Variants in LIPG observed in about 807,000 individuals in gnomAD.
LIPG encodes lipase G, endothelial type, also known as endothelial lipase.
Under a neutral mutation model 51.8 loss-of-function variants are expected in LIPG, and 34 were observed. That is an observed-to-expected ratio of 0.66 (90% CI 0.50 to 0.87). The LOEUF (loss-of-function observed/expected upper bound fraction) is 0.87, where lower values mean the gene tolerates loss of function less well. Among genes scored for constraint, LIPG ranks in the 40% least tolerant of loss-of-function variants. The pLI, the probability that LIPG is intolerant of heterozygous loss-of-function variation, is 0.00. For missense variants in LIPG, 580 were observed against 652.7 expected, an observed-to-expected ratio of 0.89 and a Z score of 1.21; for synonymous variants, 246 against 246.1, an observed-to-expected ratio of 1.00 and a Z score of 0.00.
At chr18:49,590,080 C>T in intron 9 of LIPG, 2 of 319,888 alleles carry the variant, frequency 6.3e-6, no homozygotes, top group South Asian at 5.9e-5. Context: ...CTCAGTCTTG[C>T]CCCCTTTCTG....
At chr18:49,570,651 A>G (rs2084652255) in intron 4 of LIPG, among the ~76,000 whole-genome samples, 1 of 152,190 alleles carries the variant, frequency 6.6e-6, no homozygotes, top group Non-Finnish European at 1.5e-5. Flanking sequence ...CAACATGATG[A>G]AACACTGTCT....
At position 49,562,063 on chromosome 18, in the gene LIPG, G is replaced by C; in HGVS notation, c.-246G>C. 1 of 1,439,658 alleles carries C rather than the reference G, an allele frequency of 6.9e-7. No individual in the cohort carries two copies. The highest frequency in any genetic ancestry group is 9.1e-7 in the Non-Finnish European group (1 of 1,104,660). 89.2% of individuals were successfully genotyped at this position (1,439,658 alleles called of 1,614,324 possible). A position where few individuals can be genotyped will look rare whatever the true frequency, so the allele number is the denominator to read the frequency against. On this transcript the variant is annotated 5_prime_UTR_variant, in exon 1 of 10. Coordinates refer to ENST00000261292, the MANE Select transcript of LIPG (RefSeq NM_006033.4). ...ACCTCTATAGGAGCGTGACAGCAGC[G>C]AGTCCTTGCCTCCCGGCGGCTCAGG...
chr18:49,568,828 GCAGAATT>G (rs2084633906), intron 3 of LIPG, among the ~76,000 whole-genome samples: 2 of 152,072 alleles, frequency 1.3e-5, no homozygotes, highest in South Asian at 4.1e-4. Flanking sequence ...ATGAATTCTG[GCAGAATT>G]CTGGTCAGGA....
At position 49,598,925 on chromosome 18, in the gene LIPG, T is replaced by G. The variant is rs1187447510; in HGVS notation, c.*8403T>G. 1.3e-5 allele frequency: 2 copies of G among 152,256 alleles called. No homozygotes were observed. The highest frequency in any genetic ancestry group is 2.9e-5 in the Non-Finnish European group (2 of 68,052). The allele number at this position is 152,256 out of a possible 1,614,324, so 9.4% of individuals were successfully genotyped here. A position where few individuals can be genotyped will look rare whatever the true frequency, so the allele number is the denominator to read the frequency against. ...TTATTTTGAGATTCATCCACGTCTTTGCATGGATCAGTCATCTGTTCCATT... is the reference window on the plus strand; with the variant it reads ...TTATTTTGAGATTCATCCACGTCTTGGCATGGATCAGTCATCTGTTCCATT... On this transcript the variant is annotated 3_prime_UTR_variant, in exon 10 of 10. Coordinates refer to ENST00000261292, the MANE Select transcript of LIPG (RefSeq NM_006033.4).
chr18:49,579,430 C>T (rs2084790633), intron 5 of LIPG, among the ~76,000 whole-genome samples: 1 of 151,840 alleles, frequency 6.6e-6, no homozygotes, highest in Non-Finnish European at 1.5e-5. Context: ...ATACCTGGCT[C>T]CAAAATTTAT....
Position 49,593,164 on chromosome 18 carries a change from T to C in LIPG, c.*2642T>C, listed in dbSNP as rs2084962103. On this transcript the variant is annotated 3_prime_UTR_variant, in exon 10 of 10. Coordinates refer to ENST00000261292, the MANE Select transcript of LIPG (RefSeq NM_006033.4). ...CAGGCTGGTCAGGCTGGGTTCGAACTCCTGGCCTCAAGTGATCCGCCTGCC... is the reference window on the plus strand; with the variant it reads ...CAGGCTGGTCAGGCTGGGTTCGAACCCCTGGCCTCAAGTGATCCGCCTGCC... 1 of 152,122 alleles carries C rather than the reference T, an allele frequency of 6.6e-6. No individual in the cohort carries two copies. The highest frequency in any genetic ancestry group is 1.5e-5 in the Non-Finnish European group (1 of 68,042). 9.4% of individuals were successfully genotyped at this position (152,122 alleles called of 1,614,324 possible).
At chr18:49,572,714 G>C (rs12326944) in intron 4 of LIPG, among the ~76,000 whole-genome samples, 32,332 of 139,224 alleles carry the variant, frequency 0.23, 4,041 homozygotes, top group Middle Eastern at 0.33. Context: ...CTGGGCAACA[G>C]AGTGAGACCC....
intron 3 of LIPG, 72 bp from the exon 4 acceptor site, chr18:49,569,365 G>T: frequency 7.8e-7 from 1 of 1,278,178 alleles, no homozygotes; most frequent in Non-Finnish European, 1.1e-6. Context: ...TGACTGAGTT[G>T]TTGAACTGCT....
At chr18:49,586,892 A>T (rs1262300640) in intron 9 of LIPG, 42 bp downstream of exon 9, 1 of 1,395,140 alleles carries the variant, frequency 7.2e-7, no homozygotes, top group South Asian at 1.2e-5. Flanking sequence ...GGACACGTTG[A>T]CATGATGATC....
intron 2 of LIPG, among the ~76,000 whole-genome samples, chr18:49,566,709 T>C (rs2084609885): frequency 6.6e-6 from 1 of 152,164 alleles, no homozygotes; most frequent in African/African-American, 2.4e-5. Context: ...TGCATTCACC[T>C]AGGAGACAGC....
At chr18:49,587,493 T>C (rs1008368727) in intron 9 of LIPG, among the ~76,000 whole-genome samples, 5 of 128,528 alleles carry the variant, frequency 3.9e-5, no homozygotes, top group Non-Finnish European at 7.8e-5. Flanking sequence ...GGTATGAACC[T>C]GGGAGGAAGA....
At chr18:49,572,362 C>T (rs2084673117) in intron 4 of LIPG, among the ~76,000 whole-genome samples, 1 of 151,574 alleles carries the variant, frequency 6.6e-6, no homozygotes, top group Admixed American at 6.6e-5. Context: ...AAACAAAAAA[C>T]ACCTCATATA....
chr18:49,588,973 C>A (rs181810224), intron 9 of LIPG, among the ~76,000 whole-genome samples: 187 of 152,250 alleles, frequency 1.2e-3, no homozygotes, highest in African/African-American at 4.0e-3. Context: ...GGGTTGTTAG[C>A]CCTGTGTACA....
At chr18:49,574,744 C>T (rs190300404) in intron 4 of LIPG, among the ~76,000 whole-genome samples, 21 of 152,272 alleles carry the variant, frequency 1.4e-4, no homozygotes, top group Non-Finnish European at 2.1e-4. Flanking sequence ...GGTTTTCTCA[C>T]GGTGGCTGCA....
chr18:49,579,041 A>T (rs1262286703), intron 5 of LIPG, among the ~76,000 whole-genome samples: 5 of 22 alleles, frequency 0.23, no homozygotes, highest in African/African-American at 0.25. Flanking sequence ...AGGGAGAGGG[A>T]GAGGGAGAGG....
Position 49,587,568 on chromosome 18 carries a change from C to CAAAAAAAAAAAA in LIPG, c.1481+733_1481+744dup, listed in dbSNP as rs34734805. Among the ~76,000 whole-genome samples, 19 of 42,312 alleles carry CAAAAAAAAAAAA rather than the reference C, an allele frequency of 4.5e-4. 1 individual carries two copies. Among genetic ancestry groups the CAAAAAAAAAAAA allele is most frequent in the African/African-American group, 1.5e-3 (19 of 12,630 alleles). The allele number at this position is 42,312 out of a possible 152,430, so 27.8% of individuals were successfully genotyped here. A position where few individuals can be genotyped will look rare whatever the true frequency, so the allele number is the denominator to read the frequency against. ...TGGGTGACAGAGTGAGACTCCGTCT[C>CAAAAAAAAAAAA]AAAAAAAAAAAAAAAAAAAAAAAAA... On this transcript the variant is annotated intron_variant, in intron 9 of 9. Transcript: ENST00000261292.
At chr18:49,575,283 GCA>G in intron 4 of LIPG, 84 bp from the exon 5 acceptor site, 1 of 1,027,714 alleles carries the variant, frequency 9.7e-7, no homozygotes, top group East Asian at 2.4e-5. Flanking sequence ...TCTTCATTCT[GCA>G]CACTCAGACT....
chr18:49,587,901 G>T (rs1399472671), intron 9 of LIPG, among the ~76,000 whole-genome samples: 2 of 151,794 alleles, frequency 1.3e-5, no homozygotes, highest in Non-Finnish European at 2.9e-5. Context: ...TGATCCTTCC[G>T]CCTTTGCCTC....
chr18:49,574,120 C>G (rs1474196502), intron 4 of LIPG, among the ~76,000 whole-genome samples: 1 of 152,178 alleles, frequency 6.6e-6, no homozygotes, highest in Admixed American at 6.5e-5. Flanking sequence ...CACATTTCAT[C>G]CCTTAACTTT....
Sources: allele counts gnomAD v4.1 joint callset (sites outside exome capture counted in the v4.1 genomes callset), GRCh38; gene constraint gnomAD v4.1.1; transcripts MANE v1.5; gene names NCBI Gene and HGNC (gene_info 2026-07-23, HGNC 2026-07-21).